Variants in BTBD9 observed in about 807,000 individuals in gnomAD.
The protein encoded by BTBD9 is BTB/POZ domain-containing protein 9.
BTBD9 carries 49 observed loss-of-function variants against 64.3 expected under a neutral mutation model. That is an observed-to-expected ratio of 0.76 (90% CI 0.61 to 0.97). BTBD9 has a LOEUF of 0.97. Ranked by LOEUF, BTBD9 falls within the 50% of genes least tolerant of loss-of-function variation. The pLI is 0.00. For synonymous variants in BTBD9, 260 were observed against 274.7 expected (o/e 0.95, Z 0.53); for missense variants, 598 against 762.1 (o/e 0.78, Z 2.53).
intron 6 of BTBD9, among the ~76,000 whole-genome samples, chr6:38,560,566 T>C (rs1450381510): frequency 1.3e-5 from 2 of 152,206 alleles, no homozygotes; most frequent in Non-Finnish European, 2.9e-5. Context: ...CTTTCCCTTT[T>C]TTGAAATTTA....
At chr6:38,539,435 G>C (rs1774166252) in intron 6 of BTBD9, among the ~76,000 whole-genome samples, 1 of 152,164 alleles carries the variant, frequency 6.6e-6, no homozygotes, top group Non-Finnish European at 1.5e-5. Flanking sequence ...AGACTCTGGT[G>C]TGTAAATTCA....
intron 6 of BTBD9, among the ~76,000 whole-genome samples, chr6:38,410,251 A>G (rs951863380): frequency 6.6e-6 from 1 of 152,032 alleles, no homozygotes; most frequent in Non-Finnish European, 1.5e-5. Flanking sequence ...CGGGAGGATC[A>G]CTTGAGTCTA....
At chr6:38,573,857 AC>A (rs1775901050) in intron 6 of BTBD9, among the ~76,000 whole-genome samples, 1 of 152,172 alleles carries the variant, frequency 6.6e-6, no homozygotes, top group African/African-American at 2.4e-5. Flanking sequence ...TCTGTTTAGT[AC>A]TAGGCTCGAT....
chr6:38,496,602 T>G (rs1252749440), intron 6 of BTBD9, among the ~76,000 whole-genome samples: 1 of 146,792 alleles, frequency 6.8e-6, no homozygotes, highest in Non-Finnish European at 1.5e-5. Context: ...CAGGACATGA[T>G]CACACCACTG....
intron 6 of BTBD9, among the ~76,000 whole-genome samples, chr6:38,428,424 T>A (rs946583712): frequency 7.9e-5 from 12 of 151,414 alleles, no homozygotes; most frequent in African/African-American, 2.7e-4. Flanking sequence ...AAAACTACGT[T>A]CTCTGTTGCC....
At chr6:38,245,549 T>C (rs1046423378) in intron 9 of BTBD9, among the ~76,000 whole-genome samples, 8 of 152,162 alleles carry the variant, frequency 5.3e-5, no homozygotes. Context: ...GGGGGCCAGA[T>C]TGTGCAGGGC....
chr6:38,393,916 T>C (rs1766546608), intron 6 of BTBD9, among the ~76,000 whole-genome samples: 2 of 152,204 alleles, frequency 1.3e-5, no homozygotes, highest in Non-Finnish European at 2.9e-5. Context: ...GGGCCTATTA[T>C]CTGTTTGGGC....
intron 6 of BTBD9, among the ~76,000 whole-genome samples, chr6:38,550,605 C>T (rs188935673): frequency 4.4e-4 from 67 of 152,260 alleles, no homozygotes; most frequent in Middle Eastern, 3.4e-3. Context: ...CATGAGCCAC[C>T]GTGCCCAGCC....
At chr6:38,386,288 T>C (rs1035983888) in intron 6 of BTBD9, among the ~76,000 whole-genome samples, 18 of 152,124 alleles carry the variant, frequency 1.2e-4, no homozygotes, top group African/African-American at 4.1e-4. Context: ...CACCTCAAAA[T>C]TTCATAAGGA....
rs549996840 is a variant in BTBD9 at position 38,334,649 on chromosome 6, TAAAATAAAAC to T, written c.1264+10325_1264+10334del. Among the ~76,000 whole-genome samples, 30 of 136,100 alleles carry T rather than the reference TAAAATAAAAC, an allele frequency of 2.2e-4. 1 individual carries two copies. In the South Asian group the frequency reaches 3.9e-3, roughly 18 times the overall value. The allele number at this position is 136,100 out of a possible 152,430, so 89.3% of individuals were successfully genotyped here. A position where few individuals can be genotyped will look rare whatever the true frequency, so the allele number is the denominator to read the frequency against. On this transcript the variant is annotated intron_variant, in intron 7 of 10. Transcript: ENST00000481247. The stretch of plus-strand genomic sequence containing the variant: ...ACATAAAATAAATAAAATAATAAAA[TAAAATAAAAC>T]AAAACAAAACAAAACAAAACAAAAA...
At chr6:38,320,790 T>C (rs2127575792) in intron 7 of BTBD9, among the ~76,000 whole-genome samples, 1 of 152,334 alleles carries the variant, frequency 6.6e-6, no homozygotes, top group South Asian at 2.1e-4. Flanking sequence ...GCCAGATTTT[T>C]CCCCATGTGG....
Position 38,426,560 on chromosome 6 carries a change from C to T in BTBD9, c.1155-81467G>A, listed in dbSNP as rs868062424. Among the ~76,000 whole-genome samples the T allele has an allele frequency of 3.7e-4, 56 of 151,862 alleles. 3 individuals are homozygous for T. The highest frequency in any genetic ancestry group is 1.3e-3 in the African/African-American group (53 of 41,162). On this transcript the variant is annotated intron_variant, in intron 6 of 10. Transcript: ENST00000481247. ...TGTTTTGCCGCCGTCGCAGACCCAC[C>T]GCTGACTTCCATTCTTCCGGATCCG...
At chr6:38,265,164 A>C (rs1167762304) in intron 8 of BTBD9, among the ~76,000 whole-genome samples, 2 of 152,012 alleles carry the variant, frequency 1.3e-5, no homozygotes, top group African/African-American at 4.8e-5. Context: ...GGTGTGTGGC[A>C]TATGTAGTTT....
At chr6:38,621,586 C>T (rs1356344148) in intron 1 of BTBD9, among the ~76,000 whole-genome samples, 1 of 152,104 alleles carries the variant, frequency 6.6e-6, no homozygotes, top group Non-Finnish European at 1.5e-5. Context: ...AGCCTTAGAA[C>T]TGAGAAAGAA....
At chr6:38,563,618 C>T (rs1367752885) in intron 6 of BTBD9, among the ~76,000 whole-genome samples, 2 of 152,070 alleles carry the variant, frequency 1.3e-5, no homozygotes, top group African/African-American at 4.8e-5. Context: ...CAGACCTGTA[C>T]GACCTGGTCA....
At chr6:38,346,903 T>A (rs1202147371) in intron 6 of BTBD9, among the ~76,000 whole-genome samples, 1 of 152,180 alleles carries the variant, frequency 6.6e-6, no homozygotes, top group Non-Finnish European at 1.5e-5. Context: ...TGGAATTTGA[T>A]CAGATCATTT....
chr6:38,630,513 A>C (rs1205101294), intron 1 of BTBD9, among the ~76,000 whole-genome samples: 3 of 152,174 alleles, frequency 2.0e-5, no homozygotes, highest in Non-Finnish European at 2.9e-5. Flanking sequence ...AGTGGGGCAA[A>C]AGGAGAGAGA....
chr6:38,418,238 G>A (rs940831433), intron 6 of BTBD9, among the ~76,000 whole-genome samples: 3 of 152,136 alleles, frequency 2.0e-5, no homozygotes, highest in Admixed American at 2.0e-4. Flanking sequence ...CTAAATACAG[G>A]AATAAATATG....
At chr6:38,538,940 C>T (rs1400677245) in intron 6 of BTBD9, among the ~76,000 whole-genome samples, 2 of 152,210 alleles carry the variant, frequency 1.3e-5, no homozygotes, top group East Asian at 1.9e-4. Context: ...CACACCACCA[C>T]ATCCAGCTAA....
Sources: gnomAD v4.1 joint callset for allele counts (sites outside exome capture counted in the v4.1 genomes callset) on GRCh38, gnomAD v4.1.1 for gene constraint, MANE v1.5 for transcripts, NCBI Gene and HGNC (gene_info 2026-07-23, HGNC 2026-07-21) for gene names.